The following TRDMT1 variants were observed in gnomAD, a reference collection of about 807,000 sequenced individuals.
The protein encoded by TRDMT1 is tRNA aspartic acid methyltransferase 1.
In TRDMT1, 49 loss-of-function variants were observed where a neutral mutation model predicts 51.2. The observed-to-expected ratio is 0.96, with a 90% CI of 0.76 to 1.21. The LOEUF is 1.21. Ranked by LOEUF, TRDMT1 falls within the 50% of genes most tolerant of loss-of-function variation. The pLI, the probability that TRDMT1 is intolerant of heterozygous loss-of-function variation, is 0.00. For synonymous variants in TRDMT1, 187 were observed against 164.6 expected, an observed-to-expected ratio of 1.14 and a Z score of -1.04; for missense variants, 534 against 462.3, an observed-to-expected ratio of 1.16 and a Z score of -1.42.
chr10:17,144,536 T>C lies in TRDMT1; in HGVS notation c.*4504A>G. ...GAGGGAGACTTCAGTAAGTGCTGGA[T>C]GTGGCTGAAAGTAAGACTCAGAATC... On this transcript the variant is annotated 3_prime_UTR_variant, in exon 11 of 11. Transcript: ENST00000377799. 2.0e-6 allele frequency: 2 copies of C among 985,834 alleles called. No homozygotes were observed. The highest frequency in any genetic ancestry group is 2.4e-6 in the Non-Finnish European group (2 of 829,936). 61.1% of individuals were successfully genotyped at this position (985,834 alleles called of 1,614,324 possible). A position where few individuals can be genotyped will look rare whatever the true frequency, so the allele number is the denominator to read the frequency against.
chr10:17,139,563 C>G lies in TRDMT1; in HGVS notation c.*9477G>C, dbSNP rs921087224. Among the ~76,000 whole-genome samples the G allele has an allele frequency of 6.6e-6, 1 of 152,118 alleles. No individual in the cohort carries two copies. The highest frequency in any genetic ancestry group is 1.5e-5 in the Non-Finnish European group (1 of 68,014). On this transcript the variant is annotated 3_prime_UTR_variant, in exon 11 of 11. Coordinates refer to ENST00000377799, the MANE Select transcript of TRDMT1 (RefSeq NM_004412.7). ...AAAAAGAAAACAAAGTTTGGGGATA[C>G]CTGGCACTCTTCAGACTCTGCCTCT...
Position 17,160,310 on chromosome 10 carries a change from T to G in TRDMT1, c.454A>C (p.Thr152Pro), listed in dbSNP as rs376428407. The change falls in exon 6 of 11, where the codon ACC (threonine) becomes CCC (proline). Residue 152 changes from threonine (T) to proline (P), a missense_variant. Thr to Pro is a conservative substitution (Grantham distance 38). Coordinates refer to ENST00000377799, the MANE Select transcript of TRDMT1 (RefSeq NM_004412.7). ...TTTATAACTGTGATACCTACAGAGG[T>G]TGGAGATAATAGAAACTCTTGGTAC... Reference protein sequence around the residue: ...FQYQEFLLSPTSLGIPNSRLR... With the variant: ...FQYQEFLLSPPSLGIPNSRLR... 5 of 1,559,148 alleles carry G rather than the reference T, an allele frequency of 3.2e-6. No homozygotes were observed. In the Admixed American group the frequency reaches 7.5e-5, roughly 23 times the overall value.
At chr10:17,178,126 T>A (rs1055742581) in intron 1 of TRDMT1, among the ~76,000 whole-genome samples, 3 of 152,222 alleles carry the variant, frequency 2.0e-5, no homozygotes, top group Non-Finnish European at 4.4e-5. Flanking sequence ...CTAATCTATA[T>A]CTCATATAGG....
intron 1 of TRDMT1, among the ~76,000 whole-genome samples, chr10:17,176,979 G>A (rs1474698128): frequency 6.6e-6 from 1 of 152,036 alleles, no homozygotes; most frequent in African/African-American, 2.4e-5. Flanking sequence ...TCTCAAAAAG[G>A]AGGCAGAATT....
intron 1 of TRDMT1, among the ~76,000 whole-genome samples, chr10:17,178,813 T>C (rs544005583): frequency 9.3e-4 from 141 of 152,256 alleles, no homozygotes; most frequent in African/African-American, 3.1e-3. Flanking sequence ...CAGCTAACTG[T>C]CCAAACAAAA....
chr10:17,185,550 T>C (rs977714108), intron 1 of TRDMT1, among the ~76,000 whole-genome samples: 9 of 152,098 alleles, frequency 5.9e-5, no homozygotes, highest in Non-Finnish European at 1.3e-4. Flanking sequence ...TACCATCCCA[T>C]TACTGGGCAT....
intron 1 of TRDMT1, among the ~76,000 whole-genome samples, chr10:17,195,838 G>A (rs531714534): frequency 6.6e-5 from 10 of 152,008 alleles, no homozygotes; most frequent in South Asian, 2.1e-4. Context: ...AACTTTTTAC[G>A]TTGCTTCACT....
intron 3 of TRDMT1, among the ~76,000 whole-genome samples, chr10:17,167,413 C>G (rs1014575306): frequency 6.6e-6 from 1 of 152,158 alleles, no homozygotes; most frequent in Non-Finnish European, 1.5e-5. Flanking sequence ...GCCCCAGTTT[C>G]TCATCTGTAA....
At chr10:17,181,452 C>G (rs1843271830) in intron 1 of TRDMT1, among the ~76,000 whole-genome samples, 2 of 152,134 alleles carry the variant, frequency 1.3e-5, no homozygotes, top group African/African-American at 2.4e-5. Context: ...CCAGGCATTG[C>G]AGTAATTGGC....
intron 8 of TRDMT1, 151 bp downstream of exon 8, chr10:17,157,290 G>A: frequency 2.9e-6 from 2 of 679,854 alleles, no homozygotes; most frequent in South Asian, 4.7e-5. Flanking sequence ...GTGTTCTACT[G>A]GAACATGAAG....
At chr10:17,156,731 T>A (rs1036670169) in intron 8 of TRDMT1, among the ~76,000 whole-genome samples, 8 of 152,166 alleles carry the variant, frequency 5.3e-5, no homozygotes, top group Non-Finnish European at 1.0e-4. Context: ...GCGATAATAT[T>A]CTATTTATAT....
intron 1 of TRDMT1, among the ~76,000 whole-genome samples, chr10:17,198,592 G>A (rs1190635311): frequency 6.6e-6 from 1 of 152,172 alleles, no homozygotes; most frequent in Non-Finnish European, 1.5e-5. Context: ...GGTACGCAGA[G>A]TAGACAAGTT....
intron 1 of TRDMT1, 22 bp from the exon 2 acceptor site, chr10:17,174,682 C>T: frequency 6.4e-7 from 1 of 1,560,146 alleles, no homozygotes; most frequent in Non-Finnish European, 8.8e-7. Context: ...AATGGAGTAT[C>T]TTGAAAAGAA....
chr10:17,172,707 T>C (rs1842180683), intron 2 of TRDMT1, among the ~76,000 whole-genome samples: 1 of 152,164 alleles, frequency 6.6e-6, no homozygotes, highest in Non-Finnish European at 1.5e-5. Context: ...TGTAGGTATA[T>C]AGATAAATAT....
intron 1 of TRDMT1, among the ~76,000 whole-genome samples, chr10:17,185,651 C>G (rs1037033779): frequency 5.3e-5 from 8 of 152,112 alleles, no homozygotes; most frequent in Non-Finnish European, 2.9e-5. Context: ...AGACTTGGAA[C>G]CAACCCAAAT....
At chr10:17,151,937 A>C in intron 10 of TRDMT1, 1 of 1,186,280 alleles carries the variant, frequency 8.4e-7, no homozygotes, top group Non-Finnish European at 1.1e-6. Flanking sequence ...ATATGAAATC[A>C]TTCAGTCTGA....
intron 3 of TRDMT1, among the ~76,000 whole-genome samples, chr10:17,166,312 T>C (rs559857206): frequency 1.4e-5 from 2 of 138,154 alleles, no homozygotes; most frequent in African/African-American, 5.5e-5. Context: ...TAGGTGGGAA[T>C]TGAACAATCA....
rs146841898 is a variant in TRDMT1 at position 17,143,522 on chromosome 10, T to G, written c.*5518A>C. The G allele has an allele frequency of 6.4e-4, 634 of 985,452 alleles. No individual in the cohort carries two copies. Among genetic ancestry groups the G allele is most frequent in the Non-Finnish European group, 7.4e-4 (612 of 829,938 alleles). The allele number at this position is 985,452 out of a possible 1,614,324, so 61.0% of individuals were successfully genotyped here. On this transcript the variant is annotated 3_prime_UTR_variant, in exon 11 of 11. Transcript: ENST00000377799. Reference sequence around the variant, plus strand: ...CACATGTGAAATTTAACTGGACTTGTGTAAGGAACCAGCTAAGTGAGTAAA... The same window carrying G: ...CACATGTGAAATTTAACTGGACTTGGGTAAGGAACCAGCTAAGTGAGTAAA...
chr10:17,179,892 A>T (rs1564320321), intron 1 of TRDMT1, among the ~76,000 whole-genome samples: 3 of 152,136 alleles, frequency 2.0e-5, no homozygotes, highest in African/African-American at 7.2e-5. Flanking sequence ...TGGGGAAAGG[A>T]TTTTTTTAAC....
Sources: gnomAD v4.1 joint callset for allele counts (sites outside exome capture counted in the v4.1 genomes callset) on GRCh38, gnomAD v4.1.1 for gene constraint, MANE v1.5 for transcripts, NCBI Gene and HGNC (gene_info 2026-07-23, HGNC 2026-07-21) for gene names.